MTNR1A: variants seen among roughly 807,000 people sequenced by gnomAD.
MTNR1A encodes the protein melatonin receptor 1A, also known as melatonin receptor type 1A.
A neutral mutation model predicts 5.5 loss-of-function variants in MTNR1A; 7 were observed. That is an observed-to-expected ratio of 1.28 (90% CI 0.73 to 2.40). The LOEUF (loss-of-function observed/expected upper bound fraction) is 2.40. MTNR1A is among the 30% of genes most tolerant of loss of function. The pLI is 0.00. For synonymous variants in MTNR1A, 196 were observed against 202.7 expected (o/e 0.97, Z 0.28); for missense variants, 441 against 464.4 (o/e 0.95, Z 0.46).
chr4:186,548,810 GAT>G (rs71595106), intron 1 of MTNR1A, among the ~76,000 whole-genome samples: 784 of 54,568 alleles, frequency 0.014, 11 homozygotes, highest in Middle Eastern at 0.056. Context: ...AATCTATAAA[GAT>G]ATATATATAT....
At chr4:186,542,136 G>A (rs1219524255) in intron 1 of MTNR1A, among the ~76,000 whole-genome samples, 1 of 152,180 alleles carries the variant, frequency 6.6e-6, no homozygotes, top group Non-Finnish European at 1.5e-5. Flanking sequence ...CTGCTGCACT[G>A]CTGAATGTCC....
At chr4:186,549,091 A>G (rs952122909) in intron 1 of MTNR1A, among the ~76,000 whole-genome samples, 4 of 152,034 alleles carry the variant, frequency 2.6e-5, no homozygotes, top group African/African-American at 9.7e-5. Flanking sequence ...TGAGTGAACC[A>G]GAATTTTCTC....
At chr4:186,554,265 C>T (rs894552717) in intron 1 of MTNR1A, among the ~76,000 whole-genome samples, 2 of 152,126 alleles carry the variant, frequency 1.3e-5, no homozygotes, top group African/African-American at 2.4e-5. Context: ...GGGTGAGCCT[C>T]CCCAAAAGGA....
intron 1 of MTNR1A, 75 bp from the exon 2 acceptor site, chr4:186,534,632 G>T (rs1736803083): frequency 6.4e-7 from 1 of 1,550,702 alleles, no homozygotes; most frequent in East Asian, 2.2e-5. Context: ...GTTAAAGAAG[G>T]AGCTGCTTCT....
At chr4:186,535,050 C>CA in intron 1 of MTNR1A, among the ~76,000 whole-genome samples, 1 of 152,318 alleles carries the variant, frequency 6.6e-6, no homozygotes, top group South Asian at 2.1e-4. Context: ...GATCTGTCGT[C>CA]AGCCGTCTGG....
In MTNR1A at chr4:186,534,016, C is replaced by T. The variant is rs140300261; in HGVS notation, c.726G>A (p.Val242=). 1.4e-5 allele frequency: 22 copies of T among 1,614,122 alleles called. No homozygotes were observed. The highest frequency in any genetic ancestry group is 1.8e-5 in the Non-Finnish European group (21 of 1,180,032). ...AGCAAATGGCAAAAAGGACAAAAACCACAAACATGGTGACAAAATTCCTGA... is the reference window on the plus strand; with the variant it reads ...AGCAAATGGCAAAAAGGACAAAAACTACAAACATGGTGACAAAATTCCTGA... The part of the protein sequence containing the change: ...QDFRNFVTMF[V]VFVLFAICWA... The change falls in exon 2 of 2, where the codon GTG becomes GTA. Residue 242 remains valine (V), a synonymous_variant. Coordinates refer to ENST00000307161, the MANE Select transcript of MTNR1A (RefSeq NM_005958.4).
chr4:186,534,183 AG>A lies in MTNR1A; in HGVS notation c.558del (p.Tyr187ThrfsTer14). 2.5e-6 allele frequency: 4 copies of A among 1,613,704 alleles called. No individual in the cohort carries two copies. Among genetic ancestry groups the A allele is most frequent in the Non-Finnish European group, 3.4e-6 (4 of 1,179,648 alleles). On this transcript the variant is annotated frameshift_variant, in exon 2 of 2. Transcript: ENST00000307161. LOFTEE classifies it low-confidence loss of function (END_TRUNC). The stretch of plus-strand genomic sequence containing the variant: ...TGGAAAACCACCACGGCGATGGTGT[AG>A]GCGGAGCTGACGGACTGGGCGAAGG... Reference protein sequence around the residue: ...SCTFAQSVSSAYTIAVVVFHF... With the variant: ...SCTFAQSVSSXYTIAVVVFHF...
chr4:186,539,796 T>C (rs1291721023), intron 1 of MTNR1A, among the ~76,000 whole-genome samples: 1 of 152,212 alleles, frequency 6.6e-6, no homozygotes, highest in African/African-American at 2.4e-5. Flanking sequence ...GTCTACATTG[T>C]TATAACAGCA....
chr4:186,555,116 G>T lies in MTNR1A; in HGVS notation c.184+66C>A. On this transcript the variant is annotated intron_variant, in intron 1 of 1. Coordinates refer to ENST00000307161, the MANE Select transcript of MTNR1A (RefSeq NM_005958.4). This position sits in a 1 kb window ranked among gnomAD's most constrained non-coding sequence, Gnocchi z 4.1. ...AAAAAGAACCAAGTGCTTGGGGAAG[G>T]CTGGCTGCCCGCGGAGAGGCGCTGC... 1 of 1,494,766 alleles carries T rather than the reference G, an allele frequency of 6.7e-7. No homozygotes were observed. Among genetic ancestry groups the T allele is most frequent in the Non-Finnish European group, 9.1e-7 (1 of 1,095,404 alleles). 92.6% of individuals were successfully genotyped at this position (1,494,766 alleles called of 1,614,324 possible).
At position 186,537,137 on chromosome 4, in the gene MTNR1A, C is replaced by T. The variant is rs749161111; in HGVS notation, c.185-2580G>A. Among the ~76,000 whole-genome samples, 38 of 152,206 alleles carry T rather than the reference C, an allele frequency of 2.5e-4. 1 individual carries two copies. Among genetic ancestry groups the T allele is most frequent in the Non-Finnish European group, 4.9e-4 (33 of 68,024 alleles). On this transcript the variant is annotated intron_variant, in intron 1 of 1. Transcript: ENST00000307161. ...AATTACATTAATTAGATCATTGATT[C>T]TTTGAATTAATCCCATTTTACAAAT...
At position 186,533,738 on chromosome 4, in the gene MTNR1A, G is replaced by A. The variant is rs150190540; in HGVS notation, c.1004C>T (p.Pro335Leu). ...ATTATTGTTGGTCATCAGTGGAGACGGTTTCCATTTAACCCTATCGGCCAC... is the reference window on the plus strand; with the variant it reads ...ATTATTGTTGGTCATCAGTGGAGACAGTTTCCATTTAACCCTATCGGCCAC... ...NDVADRVKWK[P>L]SPLMTNNNVV... The change falls in exon 2 of 2, where the codon CCG becomes CTG. Residue 335 changes from proline to leucine, a missense_variant. Transcript: ENST00000307161. 8 of 1,614,150 alleles carry A rather than the reference G, an allele frequency of 5.0e-6. No individual in the cohort carries two copies. Among genetic ancestry groups the A allele is most frequent in the South Asian group, 1.1e-5 (1 of 91,074 alleles).
chr4:186,546,761 G>C, intron 1 of MTNR1A, among the ~76,000 whole-genome samples: 1 of 148,028 alleles, frequency 6.8e-6, no homozygotes, highest in African/African-American at 2.6e-5. Flanking sequence ...CTCGCTCCCT[G>C]TTCATGCCAT....
intron 1 of MTNR1A, among the ~76,000 whole-genome samples, chr4:186,549,857 G>A (rs1208117029): frequency 6.6e-6 from 1 of 152,112 alleles, no homozygotes; most frequent in East Asian, 1.9e-4. Context: ...TATTTATCCA[G>A]GTAAATGTTC....
intron 1 of MTNR1A, among the ~76,000 whole-genome samples, chr4:186,549,162 T>C (rs1215297055): frequency 6.6e-6 from 1 of 151,826 alleles, no homozygotes; most frequent in Non-Finnish European, 1.5e-5. Context: ...CAGCAAGCAT[T>C]TAAATAAAGG....
intron 1 of MTNR1A, among the ~76,000 whole-genome samples, chr4:186,551,975 T>C (rs1188807686): frequency 6.6e-6 from 1 of 152,220 alleles, no homozygotes; most frequent in Non-Finnish European, 1.5e-5. Context: ...AAACTGCTTT[T>C]GACAGGTATC....
intron 1 of MTNR1A, among the ~76,000 whole-genome samples, chr4:186,543,877 A>G (rs1409019599): frequency 6.6e-6 from 1 of 152,244 alleles, no homozygotes; most frequent in African/African-American, 2.4e-5. Context: ...GTGTTGAATT[A>G]GTATTGTGTC....
rs1736801215 is a variant in MTNR1A at position 186,534,555 on chromosome 4, T to C, written c.187A>G (p.Asn63Asp). 1 of 1,611,162 alleles carries C rather than the reference T, an allele frequency of 6.2e-7. No individual in the cohort carries two copies. Among genetic ancestry groups the C allele is most frequent in the Non-Finnish European group, 8.5e-7 (1 of 1,180,018 alleles). Residue 63 changes from asparagine (N) to aspartate (D), a missense_variant and splice_region_variant, in exon 2 of 2, where the codon AAC (asparagine) becomes GAC (aspartate). Coordinates refer to ENST00000307161, the MANE Select transcript of MTNR1A (RefSeq NM_005958.4). ...ACCGCTAAGCTCACCACAAAGATGT[T>C]TCCTGAAAGAGAATCGTTTAGAAAA... ...YRNKKLRNAG[N>D]IFVVSLAVAD...
intron 1 of MTNR1A, among the ~76,000 whole-genome samples, chr4:186,552,852 T>C (rs1319204192): frequency 6.6e-6 from 1 of 152,242 alleles, no homozygotes. Flanking sequence ...GCTTCACTTC[T>C]ATTATCAAAT....
At chr4:186,534,911 T>G (rs540907724) in intron 1 of MTNR1A, among the ~76,000 whole-genome samples, 1 of 152,354 alleles carries the variant, frequency 6.6e-6, no homozygotes, top group East Asian at 1.9e-4. Context: ...AAATCTCATA[T>G]GATGTCAAGC....
Sources: gnomAD v4.1 joint callset for allele counts (sites outside exome capture counted in the v4.1 genomes callset) on GRCh38, gnomAD v4.1.1 for gene constraint, Gnocchi (gnomAD v3.1) non-coding constraint, MANE v1.5 for transcripts, NCBI Gene and HGNC (gene_info 2026-07-23, HGNC 2026-07-21) for gene names.